The following FSD1L variants were observed in gnomAD, a reference collection of about 807,000 sequenced individuals.
FSD1L encodes FSD1-like protein.
A neutral mutation model predicts 71.6 loss-of-function variants in FSD1L; 45 were observed. That is an observed-to-expected ratio of 0.63 (90% CI 0.49 to 0.81). The LOEUF is 0.81. Ranked by LOEUF, FSD1L falls within the 30% of genes least tolerant of loss-of-function variation. The pLI is 0.00. For synonymous variants in FSD1L, 197 were observed against 207.2 expected, an observed-to-expected ratio of 0.95 and a Z score of 0.42; for missense variants, 561 against 618.1, an observed-to-expected ratio of 0.91 and a Z score of 0.98.
At chr9:105,469,486 A>G (rs1015386358) in intron 4 of FSD1L, among the ~76,000 whole-genome samples, 1 of 151,630 alleles carries the variant, frequency 6.6e-6, no homozygotes, top group Non-Finnish European at 1.5e-5. Context: ...ATGATATTTC[A>G]TTACAGTTTT....
intron 7 of FSD1L, among the ~76,000 whole-genome samples, chr9:105,493,729 G>A (rs1279093382): frequency 6.6e-6 from 1 of 152,044 alleles, no homozygotes; most frequent in Non-Finnish European, 1.5e-5. Flanking sequence ...TTGCTTGTCT[G>A]TAAAGTATTT....
intron 3 of FSD1L, among the ~76,000 whole-genome samples, chr9:105,466,695 A>G (rs979130942): frequency 1.7e-5 from 2 of 115,002 alleles, no homozygotes; most frequent in South Asian, 5.8e-4. Context: ...TCTGTCTCAA[A>G]AAAAAAAAAA....
At chr9:105,449,506 G>A (rs558580300) in intron 1 of FSD1L, among the ~76,000 whole-genome samples, 140 of 152,306 alleles carry the variant, frequency 9.2e-4, no homozygotes, top group Non-Finnish European at 1.9e-3. Context: ...GCAAAGTCCG[G>A]AGACATGGGT....
intron 10 of FSD1L, chr9:105,524,864 C>G: frequency 1.3e-6 from 2 of 1,574,954 alleles, no homozygotes; most frequent in Admixed American, 3.3e-5. Flanking sequence ...GTGAAAATCA[C>G]GACAATCATT....
intron 5 of FSD1L, among the ~76,000 whole-genome samples, chr9:105,475,046 C>T (rs1336418210): frequency 6.6e-6 from 1 of 152,164 alleles, no homozygotes; most frequent in Non-Finnish European, 1.5e-5. Flanking sequence ...TGGCAACATC[C>T]CACCAAATGT....
At chr9:105,494,875 G>T (rs1200044045) in intron 7 of FSD1L, among the ~76,000 whole-genome samples, 1 of 152,170 alleles carries the variant, frequency 6.6e-6, no homozygotes, top group African/African-American at 2.4e-5. Flanking sequence ...TGTCTCAGAG[G>T]AGTACCCGGC....
chr9:105,459,091 C>A (rs1246279596), intron 1 of FSD1L, among the ~76,000 whole-genome samples: 1 of 152,190 alleles, frequency 6.6e-6, no homozygotes, highest in Non-Finnish European at 1.5e-5. Flanking sequence ...CAGCCAGTCT[C>A]CCCTTGTATA....
At chr9:105,450,901 A>G (rs1354802528) in intron 1 of FSD1L, among the ~76,000 whole-genome samples, 1 of 152,190 alleles carries the variant, frequency 6.6e-6, no homozygotes, top group East Asian at 1.9e-4. Flanking sequence ...AGCTACTGTT[A>G]TTAATTTAAT....
intron 7 of FSD1L, among the ~76,000 whole-genome samples, chr9:105,490,132 G>C (rs1273015416): frequency 6.6e-6 from 1 of 152,300 alleles, no homozygotes; most frequent in African/African-American, 2.4e-5. Context: ...CAGTGTAAAA[G>C]CGTTCCTATT....
At chr9:105,522,731 T>C (rs1225968634) in intron 10 of FSD1L, 4 of 1,604,302 alleles carry the variant, frequency 2.5e-6, no homozygotes, top group Middle Eastern at 1.9e-4. Context: ...CTCTTAATAG[T>C]GATATTGGCA....
At chr9:105,531,275 G>T (rs1487870558) in intron 10 of FSD1L, among the ~76,000 whole-genome samples, 4 of 152,132 alleles carry the variant, frequency 2.6e-5, no homozygotes, top group African/African-American at 9.7e-5. Flanking sequence ...TGTGCAGCTG[G>T]GTTGAAGAAC....
intron 7 of FSD1L, among the ~76,000 whole-genome samples, chr9:105,504,059 C>T (rs1212357592): frequency 6.6e-6 from 1 of 152,166 alleles, no homozygotes; most frequent in Non-Finnish European, 1.5e-5. Context: ...TTTTTTTATA[C>T]CAACCTCTCA....
At chr9:105,475,609 A>G (rs1831743177) in intron 5 of FSD1L, among the ~76,000 whole-genome samples, 1 of 152,218 alleles carries the variant, frequency 6.6e-6, no homozygotes, top group Non-Finnish European at 1.5e-5. Context: ...TTTGAGGACA[A>G]TATAAAAAAA....
At position 105,539,344 on chromosome 9, in the gene FSD1L, G is replaced by C; in HGVS notation, c.1460G>C (p.Gly487Ala). Residue 487 changes from glycine (G) to alanine (A), a missense_variant, in exon 13 of 14, where the codon GGT (glycine) becomes GCT (alanine). Around this residue, in one of 3 missense-constraint regions of FSD1L, gnomAD observed 98 missense variants for 102.3 expected, o/e 0.96. Coordinates refer to ENST00000481272, the MANE Select transcript of FSD1L (RefSeq NM_001145313.3). ...KTKFTQPVLPGFMVWCGGLSL... is the reference protein window; with the variant it reads ...KTKFTQPVLPAFMVWCGGLSL... ...AAATTTACTCAGCCAGTACTACCTGGTTTCATGGTTAGTATGTTTTATATC... is the reference window on the plus strand; with the variant it reads ...AAATTTACTCAGCCAGTACTACCTGCTTTCATGGTTAGTATGTTTTATATC... The C allele has an allele frequency of 1.1e-5, 16 of 1,429,870 alleles. No individual in the cohort carries two copies. The highest frequency in any genetic ancestry group is 1.4e-5 in the Non-Finnish European group (15 of 1,056,112). 88.6% of individuals were successfully genotyped at this position (1,429,870 alleles called of 1,614,324 possible).
chr9:105,523,290 A>ATGG, intron 10 of FSD1L: 1 of 1,594,074 alleles, frequency 6.3e-7, no homozygotes, highest in South Asian at 1.1e-5. Flanking sequence ...TATAGATCAC[A>ATGG]TGGAACAGAA....
intron 7 of FSD1L, among the ~76,000 whole-genome samples, chr9:105,498,188 G>GC (rs1252861942): frequency 2.9e-4 from 25 of 85,532 alleles, no homozygotes; most frequent in African/African-American, 1.1e-3. Flanking sequence ...GCTTGCTTTG[G>GC]CTTTATTATT....
rs376069658 is a variant in FSD1L at position 105,481,141 on chromosome 9, C to CTGTGTGTGTGTGTGTGTGTGTG, written c.464+1782_464+1803dup. On this transcript the variant is annotated intron_variant, in intron 6 of 13. Coordinates refer to ENST00000481272, the MANE Select transcript of FSD1L (RefSeq NM_001145313.3). ...TCAGGAATTAGGGTTCAGGCAAACT[C>CTGTGTGTGTGTGTGTGTGTGTG]TGTGTGTGTGTGTGTGTGTGTGTGT... Among the ~76,000 whole-genome samples the CTGTGTGTGTGTGTGTGTGTGTG allele has an allele frequency of 3.2e-3, 262 of 81,546 alleles. 13 individuals are homozygous for CTGTGTGTGTGTGTGTGTGTGTG. Among genetic ancestry groups the CTGTGTGTGTGTGTGTGTGTGTG allele is most frequent in the East Asian group, 0.02 (38 of 1,918 alleles). The allele number at this position is 81,546 out of a possible 152,430, so 53.5% of individuals were successfully genotyped here. A position where few individuals can be genotyped will look rare whatever the true frequency, so the allele number is the denominator to read the frequency against.
At chr9:105,462,219 GTT>G (rs775069927) in intron 2 of FSD1L, among the ~76,000 whole-genome samples, 4 of 134,736 alleles carry the variant, frequency 3.0e-5, no homozygotes, top group Admixed American at 7.5e-5. Context: ...TTTAAGTTTT[GTT>G]TTTTTTTTTT....
intron 7 of FSD1L, among the ~76,000 whole-genome samples, chr9:105,494,160 T>C (rs1833173948): frequency 1.3e-5 from 2 of 152,200 alleles, no homozygotes; most frequent in African/African-American, 4.8e-5. Context: ...GATTTGGTCT[T>C]TTCACATAGT....
Sources: allele counts gnomAD v4.1 joint callset (sites outside exome capture counted in the v4.1 genomes callset), GRCh38; gene constraint gnomAD v4.1.1; regional missense constraint gnomAD v4.1.1; transcripts MANE v1.5; gene names NCBI Gene and HGNC (gene_info 2026-07-23, HGNC 2026-07-21).